The following KCNAB2 variants were observed in gnomAD, a reference collection of about 807,000 sequenced individuals.
The protein encoded by KCNAB2 is voltage-gated potassium channel subunit beta-2.
A neutral mutation model predicts 63.6 loss-of-function variants in KCNAB2; 29 were observed. That is an observed-to-expected ratio of 0.46 (90% CI 0.34 to 0.62). The LOEUF is 0.62. Among genes scored for constraint, KCNAB2 ranks in the 20% least tolerant of loss-of-function variants. KCNAB2 has a pLI of 0.01. For synonymous variants in KCNAB2, 222 were observed against 224.2 expected, an observed-to-expected ratio of 0.99 and a Z score of 0.09; for missense variants, 359 against 563.9, an observed-to-expected ratio of 0.64 and a Z score of 3.68.
chr1:6,032,677 G>A (rs1282691886), upstream of KCNAB2, among the ~76,000 whole-genome samples: 3 of 152,106 alleles, frequency 2.0e-5, no homozygotes, highest in Non-Finnish European at 2.9e-5. Flanking sequence ...AAAGAGCTAT[G>A]CCCTGGCAGA....
rs1665636715 is a variant in KCNAB2, at chr1:6,096,329, G to C, written c.949-307G>C. ...GGCAGCCGAGACCCCAGGCTGCCAA[G>C]TTTCCTAAGAGAAGGAAGGCCAGCA... On this transcript the variant is annotated intron_variant, in intron 13 of 15. Transcript: ENST00000378083. The surrounding 1 kb of genome is among the most constrained non-coding windows in gnomAD (Gnocchi z 5.9). 1 of 452,360 alleles carries C rather than the reference G, an allele frequency of 2.2e-6. No individual in the cohort carries two copies. The highest frequency in any genetic ancestry group is 4.1e-6 in the Non-Finnish European group (1 of 243,104). The allele number at this position is 452,360 out of a possible 1,614,324, so 28.0% of individuals were successfully genotyped here.
chr1:6,066,961 C>G lies in KCNAB2; in HGVS notation c.219-5794C>G, dbSNP rs11801303. ...CTGTGACTTGTATGTGGGGAGGATG[C>G]CGACCACTCATGTCAGGAGCAGGGC... On this transcript the variant is annotated intron_variant, in intron 2 of 15. Coordinates refer to ENST00000378083, the MANE Select transcript of KCNAB2 (RefSeq NM_001199862.2). Among the ~76,000 whole-genome samples, 1,440 of 152,348 alleles carry G rather than the reference C, an allele frequency of 9.5e-3. 23 individuals carry two copies. The highest frequency in any genetic ancestry group is 0.033 in the African/African-American group (1,367 of 41,578).
At position 6,086,422 on chromosome 1, in the gene KCNAB2, C is replaced by A; in HGVS notation, c.426-1045C>A. ...GTGCATGGAGGTGGTGTGGGGTGAT[C>A]CCCCTTCCTGGAGGTGACGCTGCCT... On this transcript the variant is annotated intron_variant, in intron 6 of 15. Transcript: ENST00000378083. The surrounding 1 kb of genome is among the most constrained non-coding windows in gnomAD (Gnocchi z 4.2). The A allele has an allele frequency of 1.0e-6, 1 of 974,152 alleles. No individual in the cohort carries two copies. Among genetic ancestry groups the A allele is most frequent in the Non-Finnish European group, 1.2e-6 (1 of 819,704 alleles). The allele number at this position is 974,152 out of a possible 1,614,324, so 60.3% of individuals were successfully genotyped here.
In KCNAB2 at chr1:6,090,493, G is replaced by A. The variant is rs962810525; in HGVS notation, c.601+18G>A. 1 of 1,601,044 alleles carries A rather than the reference G, an allele frequency of 6.2e-7. No homozygotes were observed. Among genetic ancestry groups the A allele is most frequent in the Non-Finnish European group, 8.6e-7 (1 of 1,169,558 alleles). ...GATGGAAGGTAGGTGGTCTGCGGCG[G>A]CGCCACCGGTTAGGCCTGGGCGGGG... On this transcript the variant is annotated intron_variant, in intron 9 of 15. Transcript: ENST00000378083.
chr1:6,046,636 G>T (rs1433336987), intron 1 of KCNAB2, among the ~76,000 whole-genome samples: 1 of 152,230 alleles, frequency 6.6e-6, no homozygotes, highest in Non-Finnish European at 1.5e-5. Context: ...CTGCTTGTTT[G>T]GGCCTCAGTT....
chr1:6,041,465 T>G (rs1394145041), upstream of KCNAB2: 2 of 267,640 alleles, frequency 7.5e-6, no homozygotes, highest in Non-Finnish European at 1.5e-5. Flanking sequence ...ACGTCTGGGT[T>G]GGAGGGTTTT....
At chr1:6,089,140 C>G in intron 8 of KCNAB2, 89 bp downstream of exon 8, 3 of 1,356,200 alleles carry the variant, frequency 2.2e-6, no homozygotes, top group South Asian at 1.2e-5. Context: ...GCCCGACCCC[C>G]CCAGTTAACC....
chr1:6,052,909 C>T (rs1351377865), intron 2 of KCNAB2, among the ~76,000 whole-genome samples: 2 of 152,192 alleles, frequency 1.3e-5, no homozygotes, highest in African/African-American at 4.8e-5. Context: ...TGTGTTTTAT[C>T]TGGCAACACT....
intron 1 of KCNAB2, among the ~76,000 whole-genome samples, chr1:6,009,375 G>T (rs1415614179): frequency 6.6e-6 from 1 of 152,218 alleles, no homozygotes; most frequent in African/African-American, 2.4e-5. Context: ...CGGGTGGAGG[G>T]GGCCCGGTGG....
intron 1 of KCNAB2, among the ~76,000 whole-genome samples, chr1:6,001,952 G>A (rs772205082): frequency 6.6e-6 from 1 of 152,192 alleles, no homozygotes; most frequent in South Asian, 2.1e-4. Context: ...TCGATGTCCT[G>A]TAGTCTCTCC....
intron 1 of KCNAB2, among the ~76,000 whole-genome samples, chr1:6,046,589 T>G (rs896733973): frequency 3.3e-5 from 5 of 152,242 alleles, no homozygotes; most frequent in African/African-American, 1.2e-4. Flanking sequence ...TTGTCTGAAA[T>G]GTCTGTGCAG....
At chr1:6,025,868 GAT>G (rs1406125383) in intron 1 of KCNAB2, 24 of 142,154 alleles carry the variant, frequency 1.7e-4, no homozygotes, top group African/African-American at 6.0e-4. Context: ...GCACACAGCC[GAT>G]CCCGGCACAC....
upstream of KCNAB2, among the ~76,000 whole-genome samples, chr1:6,042,848 C>A (rs1198674757): frequency 1.9e-5 from 2 of 106,898 alleles, 1 homozygote; most frequent in Non-Finnish European, 3.8e-5. Flanking sequence ...TCCCCACCCC[C>A]CCCCCCGTTT....
upstream of KCNAB2, among the ~76,000 whole-genome samples, chr1:6,031,817 A>G (rs1034993473): frequency 1.3e-5 from 2 of 151,990 alleles, no homozygotes; most frequent in African/African-American, 4.8e-5. The surrounding 1 kb of genome is among the most constrained non-coding windows in gnomAD (Gnocchi z 4.1). Flanking sequence ...TGAGCCCCAT[A>G]GGTCAGGGCT....
intron 15 of KCNAB2, chr1:6,098,005 G>A (rs541799540): frequency 4.0e-5 from 8 of 200,812 alleles, no homozygotes; most frequent in South Asian, 1.5e-4. Context: ...GGTCCGAGAC[G>A]GGAGTGGTGG....
intron 4 of KCNAB2, among the ~76,000 whole-genome samples, chr1:6,081,919 C>T (rs765122609): frequency 3.9e-4 from 59 of 152,262 alleles, no homozygotes; most frequent in Non-Finnish European, 7.6e-4. Context: ...ATGACCCCAA[C>T]TGATGGGGTC....
chr1:6,081,057 G>A (rs567188961), intron 4 of KCNAB2, among the ~76,000 whole-genome samples: 18 of 152,352 alleles, frequency 1.2e-4, no homozygotes, highest in African/African-American at 4.3e-4. Context: ...CTTGGAGGGA[G>A]CTGTCACTTG....
At chr1:5,996,108 A>G (rs1295101) in intron 1 of KCNAB2, 62,173 of 152,156 alleles carry the variant, frequency 0.41, 13,386 homozygotes, top group African/African-American at 0.57. Flanking sequence ...GGGATACACC[A>G]TCTCCGCTCA....
chr1:6,079,346 C>A (rs937214421), intron 4 of KCNAB2, among the ~76,000 whole-genome samples: 2 of 152,190 alleles, frequency 1.3e-5, no homozygotes, highest in African/African-American at 4.8e-5. Flanking sequence ...ATGGTGAAAC[C>A]TCATCTCTAC....
Sources: gnomAD v4.1 joint callset for allele counts (sites outside exome capture counted in the v4.1 genomes callset) on GRCh38, gnomAD v4.1.1 for gene constraint, Gnocchi (gnomAD v3.1) non-coding constraint, MANE v1.5 for transcripts, NCBI Gene and HGNC (gene_info 2026-07-23, HGNC 2026-07-21) for gene names.